MAPKAP1: variants seen among roughly 807,000 people sequenced by gnomAD.
The protein encoded by MAPKAP1 is MAPK associated protein 1.
A neutral mutation model predicts 65.7 loss-of-function variants in MAPKAP1; 20 were observed. The observed-to-expected ratio is 0.30, with a 90% confidence interval of 0.21 to 0.44. The LOEUF is 0.44. Among genes scored for constraint, MAPKAP1 ranks in the 20% least tolerant of loss-of-function variants. The pLI is 1.00. For synonymous variants in MAPKAP1, 222 were observed against 244.3 expected, an observed-to-expected ratio of 0.91 and a Z score of 0.85; for missense variants, 423 against 648.0, an observed-to-expected ratio of 0.65 and a Z score of 3.77.
At chr9:125,492,971 C>A (rs1237043219) in intron 8 of MAPKAP1, among the ~76,000 whole-genome samples, 1 of 151,904 alleles carries the variant, frequency 6.6e-6, no homozygotes, top group Non-Finnish European at 1.5e-5. Flanking sequence ...GGAGGACAGG[C>A]AATCCATGGA....
chr9:125,642,659 A>G (rs1833612226), intron 4 of MAPKAP1, among the ~76,000 whole-genome samples: 1 of 152,338 alleles, frequency 6.6e-6, no homozygotes, highest in Non-Finnish European at 1.5e-5. Flanking sequence ...AAAGAAACCC[A>G]TAAAGGTAGC....
chr9:125,478,274 G>A (rs1854183174), intron 9 of MAPKAP1: 1 of 152,160 alleles, frequency 6.6e-6, no homozygotes, highest in South Asian at 2.1e-4. Context: ...CACAAGTTTA[G>A]GAACTGGCCA....
At chr9:125,614,685 A>G (rs138077033) in intron 4 of MAPKAP1, among the ~76,000 whole-genome samples, 131 of 152,350 alleles carry the variant, frequency 8.6e-4, no homozygotes, top group African/African-American at 3.0e-3. Context: ...ATATGGTAGT[A>G]TAGGTAAATT....
intron 3 of MAPKAP1, among the ~76,000 whole-genome samples, chr9:125,659,717 T>TA (rs68111625): frequency 0.86 from 124,633 of 144,646 alleles, 54,296 homozygotes; most frequent in Non-Finnish European, 0.95. Flanking sequence ...CACTGCTCAT[T>TA]AAAAAAAAAA....
intron 4 of MAPKAP1, among the ~76,000 whole-genome samples, chr9:125,632,225 G>GAAAAAAA (rs57409863): frequency 0.11 from 15,636 of 142,974 alleles, 2,006 homozygotes; most frequent in African/African-American, 0.31. Context: ...CCGTCTCAAA[G>GAAAAAAA]AAAAAAAAAA....
intron 4 of MAPKAP1, among the ~76,000 whole-genome samples, chr9:125,631,318 T>C (rs1833273620): frequency 6.6e-6 from 1 of 152,214 alleles, no homozygotes; most frequent in Non-Finnish European, 1.5e-5. Context: ...CATTTTGTTA[T>C]AGCAACATAA....
chr9:125,695,823 G>C (rs770028841), intron 1 of MAPKAP1, among the ~76,000 whole-genome samples: 9 of 151,814 alleles, frequency 5.9e-5, no homozygotes, highest in Non-Finnish European at 1.3e-4. Flanking sequence ...CCACCTCCCG[G>C]GTTCAATTGC....
chr9:125,467,146 A>G (rs1589216633), intron 10 of MAPKAP1, among the ~76,000 whole-genome samples: 1 of 152,328 alleles, frequency 6.6e-6, no homozygotes, highest in East Asian at 1.9e-4. Context: ...CTTTGCAGAT[A>G]ATGCTTGTCT....
intron 4 of MAPKAP1, among the ~76,000 whole-genome samples, chr9:125,600,600 G>A (rs1441186024): frequency 6.6e-6 from 1 of 152,238 alleles, no homozygotes; most frequent in African/African-American, 2.4e-5. Context: ...AGACCAGGCA[G>A]ATTTTTGGAC....
intron 8 of MAPKAP1, among the ~76,000 whole-genome samples, chr9:125,501,248 C>T (rs1828972405): frequency 6.6e-6 from 1 of 152,188 alleles, no homozygotes; most frequent in Admixed American, 6.5e-5. Context: ...TTAACATTTT[C>T]TTTCCAGTTT....
intron 4 of MAPKAP1, among the ~76,000 whole-genome samples, chr9:125,640,462 T>A (rs1833545857): frequency 6.6e-6 from 1 of 152,028 alleles, no homozygotes; most frequent in African/African-American, 2.4e-5. Flanking sequence ...TACCCTTGCA[T>A]CAATGCACCC....
intron 10 of MAPKAP1, among the ~76,000 whole-genome samples, chr9:125,455,937 C>T (rs571351023): frequency 2.8e-4 from 43 of 152,278 alleles, no homozygotes; most frequent in African/African-American, 7.9e-4. Flanking sequence ...GGTTTAGTGG[C>T]GACAAATTAT....
At chr9:125,542,283 G>C (rs1010258187) in intron 7 of MAPKAP1, among the ~76,000 whole-genome samples, 1 of 152,164 alleles carries the variant, frequency 6.6e-6, no homozygotes, top group Non-Finnish European at 1.5e-5. Context: ...CTTAAAAAGA[G>C]CACAAAACTA....
intron 9 of MAPKAP1, among the ~76,000 whole-genome samples, chr9:125,473,213 GC>G (rs1853986561): frequency 6.6e-6 from 1 of 151,958 alleles, no homozygotes; most frequent in Non-Finnish European, 1.5e-5. Context: ...CAAAACTGGA[GC>G]CCGGCAGGCT....
At chr9:125,544,907 T>C (rs1414176271) in intron 6 of MAPKAP1, among the ~76,000 whole-genome samples, 1 of 152,160 alleles carries the variant, frequency 6.6e-6, no homozygotes, top group Non-Finnish European at 1.5e-5. Flanking sequence ...TGGGGGCCGA[T>C]CTCAAAACCA....
At chr9:125,654,404 C>T (rs1564603516) in intron 4 of MAPKAP1, among the ~76,000 whole-genome samples, 1 of 152,160 alleles carries the variant, frequency 6.6e-6, no homozygotes, top group Non-Finnish European at 1.5e-5. Context: ...GCTTGGCCAT[C>T]AACCTTGAAC....
intron 7 of MAPKAP1, among the ~76,000 whole-genome samples, chr9:125,538,677 G>C (rs927825694): frequency 1.3e-5 from 2 of 152,094 alleles, no homozygotes; most frequent in Admixed American, 6.5e-5. Context: ...TAAATGTGAA[G>C]GTCATTGTTT....
intron 3 of MAPKAP1, among the ~76,000 whole-genome samples, chr9:125,660,481 A>G (rs912173026): frequency 1.3e-5 from 2 of 152,194 alleles, no homozygotes; most frequent in African/African-American, 4.8e-5. Context: ...TATCTTCTAC[A>G]TGCTAGTACC....
chr9:125,534,688 T>C (rs564972114), intron 7 of MAPKAP1, among the ~76,000 whole-genome samples: 46 of 152,354 alleles, frequency 3.0e-4, no homozygotes, highest in African/African-American at 1.1e-3. Flanking sequence ...CTTCTTTCAA[T>C]AGATCCCCTC....
Sources: gnomAD v4.1 joint callset for allele counts (sites outside exome capture counted in the v4.1 genomes callset) on GRCh38, gnomAD v4.1.1 for gene constraint, MANE v1.5 for transcripts, NCBI Gene and HGNC (gene_info 2026-07-23, HGNC 2026-07-21) for gene names.